TGM4: variants seen among roughly 807,000 people sequenced by gnomAD.
TGM4 encodes the protein protein-glutamine gamma-glutamyltransferase 4.
TGM4 carries 61 observed loss-of-function variants against 76.3 expected under a neutral mutation model. The observed-to-expected ratio is 0.80, with a 90% CI of 0.65 to 0.99. The LOEUF (loss-of-function observed/expected upper bound fraction) is 0.99. TGM4 is among the 50% of genes least tolerant of loss of function. The probability of loss-of-function intolerance (pLI) is 0.00; values close to 1 mark genes in which losing one functional copy is unlikely to be tolerated. For synonymous variants in TGM4, 337 were observed against 329.8 expected (o/e 1.02, Z -0.24); for missense variants, 794 against 843.2 (o/e 0.94, Z 0.72).
chr3:44,887,143 G>A (rs149644950), intron 2 of TGM4, among the ~76,000 whole-genome samples: 1 of 152,344 alleles, frequency 6.6e-6, no homozygotes, highest in Non-Finnish European at 1.5e-5. Context: ...GTGGGGAGCT[G>A]GGGAGAAGCC....
rs749640005 is a variant in TGM4, at chr3:44,910,255, C to T, written c.1493C>T (p.Thr498Ile). The T allele has an allele frequency of 1.2e-6, 2 of 1,614,222 alleles. No individual in the cohort carries two copies. The highest frequency in any genetic ancestry group is 4.5e-5 in the East Asian group (2 of 44,888). Residue 498 changes from threonine to isoleucine, a missense_variant, in exon 11 of 14, where the codon ACC (threonine) becomes ATC (isoleucine). Thr to Ile is a moderately conservative substitution (Grantham distance 89). Coordinates refer to ENST00000296125, the MANE Select transcript of TGM4 (RefSeq NM_003241.4). ...VNFTVILKRKTAALQNVNILG... is the reference protein window; with the variant it reads ...VNFTVILKRKIAALQNVNILG... ...TTCACCGTGATTCTTAAAAGGAAGACCGCTGCCCTACAGAATGTCAACATC... is the reference window on the plus strand; with the variant it reads ...TTCACCGTGATTCTTAAAAGGAAGATCGCTGCCCTACAGAATGTCAACATC...
Position 44,901,805 on chromosome 3 carries a change from T to C in TGM4, c.845T>C (p.Leu282Ser). 6.2e-7 allele frequency: 1 copy of C among 1,614,072 alleles called. No homozygotes were observed. The highest frequency in any genetic ancestry group is 8.5e-7 in the Non-Finnish European group (1 of 1,179,986). Residue 282 changes from leucine (L) to serine (S), a missense_variant, in exon 8 of 14, where the codon TTG becomes TCG. Coordinates refer to ENST00000296125, the MANE Select transcript of TGM4 (RefSeq NM_003241.4). ...AGILTTVLRALGIPARSVTGF... is the reference protein window; with the variant it reads ...AGILTTVLRASGIPARSVTGF... ...TGGATCATTTCAGTGCTGAGAGCGT[T>C]GGGCATCCCAGCACGCAGTGTGACA...
Position 44,885,332 on chromosome 3 carries a change from A to C in TGM4, c.27A>C (p.Gln9His). The C allele has an allele frequency of 6.2e-7, 1 of 1,605,928 alleles. No homozygotes were observed. The highest frequency in any genetic ancestry group is 8.5e-7 in the Non-Finnish European group (1 of 1,173,386). ...GTGCTGCGTTGCTGACAGAGCTGCA[A>C]GTTCTCCACATTGACTTCTTGAATC... is the stretch of plus-strand genomic sequence containing the variant. MMDASKEL[Q>H]VLHIDFLNQD... Residue 9 changes from glutamine (Q) to histidine (H), a missense_variant, in exon 2 of 14, where the codon CAA becomes CAC. Coordinates refer to ENST00000296125, the MANE Select transcript of TGM4 (RefSeq NM_003241.4).
At chr3:44,905,753 A>C (rs9829341) in intron 9 of TGM4, among the ~76,000 whole-genome samples, 3 of 152,088 alleles carry the variant, frequency 2.0e-5, no homozygotes, top group African/African-American at 7.2e-5. Flanking sequence ...CTCCAAAGAT[A>C]AGGCATTGCC....
At chr3:44,874,879 T>G (rs1234507453) in intron 1 of TGM4, among the ~76,000 whole-genome samples, 182 bp downstream of exon 1, 1 of 152,240 alleles carries the variant, frequency 6.6e-6, no homozygotes, top group African/African-American at 2.4e-5. Context: ...CATTTAGGCA[T>G]AATTTCAGAT....
chr3:44,907,050 A>G lies in TGM4; in HGVS notation c.1177A>G (p.Arg393Gly), dbSNP rs1346643848. 28 of 1,614,074 alleles carry G rather than the reference A, an allele frequency of 1.7e-5. No individual in the cohort carries two copies. Among genetic ancestry groups the G allele is most frequent in the East Asian group, 2.2e-5 (1 of 44,892 alleles). Reference protein sequence around the residue: ...RFVFSEVNGDRLIWLVKMVNG... With the variant: ...RFVFSEVNGDGLIWLVKMVNG... The stretch of plus-strand genomic sequence containing the variant: ...CGTCTTCTCAGAAGTGAATGGTGAC[A>G]GGCTCATCTGGTTGGTGAAGATGGT... Residue 393 changes from arginine to glycine, a missense_variant, in exon 10 of 14, where the codon AGG becomes GGG. Arg to Gly is a moderately radical substitution (Grantham distance 125). Coordinates refer to ENST00000296125, the MANE Select transcript of TGM4 (RefSeq NM_003241.4).
chr3:44,910,467 A>C, intron 11 of TGM4, 99 bp downstream of exon 11: 1 of 1,420,672 alleles, frequency 7.0e-7, no homozygotes, highest in Non-Finnish European at 9.4e-7. Context: ...ACATTGATAA[A>C]TTTTTGTGTG....
At chr3:44,904,054 G>T in intron 9 of TGM4, 67 bp downstream of exon 9, 6 of 1,427,002 alleles carry the variant, frequency 4.2e-6, no homozygotes, top group Non-Finnish European at 4.9e-6. Flanking sequence ...GGGTTCTGTG[G>T]GTCTTGGGTA....
At chr3:44,905,083 A>T (rs1368409939) in intron 9 of TGM4, among the ~76,000 whole-genome samples, 1 of 151,694 alleles carries the variant, frequency 6.6e-6, no homozygotes, top group African/African-American at 2.4e-5. Flanking sequence ...CTCCCAGGTT[A>T]AAGTGATTCT....
intron 8 of TGM4, among the ~76,000 whole-genome samples, chr3:44,902,835 T>C (rs1242065757): frequency 6.6e-6 from 1 of 152,136 alleles, no homozygotes; most frequent in Non-Finnish European, 1.5e-5. Flanking sequence ...CAAGCTAAAA[T>C]TGACCACAAG....
chr3:44,912,041 G>T lies in TGM4; in HGVS notation c.1913+635G>T, dbSNP rs1289444848. 9.2e-5 allele frequency among the ~76,000 whole-genome samples: 14 copies of T among 152,314 alleles called. No individual in the cohort carries two copies. In the East Asian group the frequency reaches 1.9e-3, roughly 21 times the overall value. On this transcript the variant is annotated intron_variant, in intron 13 of 13. Coordinates refer to ENST00000296125, the MANE Select transcript of TGM4 (RefSeq NM_003241.4). ...AAACGGGGTTTCCCCATATTGGCCA[G>T]CCTGGTCTTGAACTCCTGACCTCAG...
At chr3:44,882,649 A>G (rs1160214086) in intron 1 of TGM4, among the ~76,000 whole-genome samples, 1 of 152,150 alleles carries the variant, frequency 6.6e-6, no homozygotes, top group Non-Finnish European at 1.5e-5. Context: ...CATGTCTCTT[A>G]TAAGGACACT....
intron 1 of TGM4, among the ~76,000 whole-genome samples, chr3:44,877,836 T>C (rs1314724009): frequency 6.6e-6 from 1 of 152,222 alleles, no homozygotes; most frequent in African/African-American, 2.4e-5. Context: ...ACAAATATTG[T>C]CACACATGAG....
intron 2 of TGM4, 67 bp from the exon 3 acceptor site, chr3:44,887,622 G>C (rs79945336): frequency 6.7e-6 from 10 of 1,493,292 alleles, no homozygotes; most frequent in Non-Finnish European, 9.2e-6. Flanking sequence ...AGGTGGGCCC[G>C]AACCAGAGGA....
intron 1 of TGM4, among the ~76,000 whole-genome samples, chr3:44,885,041 C>T (rs1214006516): frequency 6.6e-6 from 1 of 152,216 alleles, no homozygotes; most frequent in East Asian, 1.9e-4. Context: ...GTAAGATGGG[C>T]GTGCACTTAC....
Position 44,913,622 on chromosome 3 carries a change from A to T in TGM4, c.1952A>T (p.Lys651Ile). 1 of 1,614,160 alleles carries T rather than the reference A, an allele frequency of 6.2e-7. No individual in the cohort carries two copies. The highest frequency in any genetic ancestry group is 1.1e-5 in the South Asian group (1 of 91,070). ...QPGETIQSQI[K>I]CTPIKTGPKK... The stretch of plus-strand genomic sequence containing the variant: ...GGTGAGACCATCCAATCCCAAATAA[A>T]ATGCACCCCAATAAAAACTGGACCC... Residue 651 changes from lysine to isoleucine, a missense_variant, in exon 14 of 14, where the codon AAA becomes ATA. Transcript: ENST00000296125.
intron 8 of TGM4, 88 bp from the exon 9 acceptor site, chr3:44,903,796 T>G (rs1699885277): frequency 3.3e-6 from 4 of 1,222,560 alleles, no homozygotes; most frequent in Non-Finnish European, 4.8e-6. Flanking sequence ...TCCCCGGTGA[T>G]GAAGATGTCT....
rs374927398 is a variant in TGM4 at position 44,903,865 on chromosome 3, C to T, written c.972-19C>T. The T allele has an allele frequency of 6.8e-5, 109 of 1,612,902 alleles. No homozygotes were observed. The African/African-American group carries it at 9.1e-4, about 13-fold the overall frequency. On this transcript the variant is annotated intron_variant, in intron 8 of 13. Transcript: ENST00000296125. The stretch of plus-strand genomic sequence containing the variant: ...TTTGGGGGTGGTCCGGGGTGGGGCC[C>T]GTTCCCAATTTGCGGCAGGAATTTC...
At chr3:44,901,430 G>A in intron 6 of TGM4, 94 bp from the exon 7 acceptor site, 2 of 1,401,946 alleles carry the variant, frequency 1.4e-6, no homozygotes, top group Non-Finnish European at 1.9e-6. Flanking sequence ...ACATTATGAG[G>A]TGTCCACTTT....
Sources: allele counts gnomAD v4.1 joint callset (sites outside exome capture counted in the v4.1 genomes callset), GRCh38; gene constraint gnomAD v4.1.1; transcripts MANE v1.5; gene names NCBI Gene and HGNC (gene_info 2026-07-23, HGNC 2026-07-21).